The following ST3GAL6 variants were observed in gnomAD, a reference collection of about 807,000 sequenced individuals.
ST3GAL6 encodes type 2 lactosamine alpha-2,3-sialyltransferase.
In ST3GAL6, 31 loss-of-function variants were observed where a neutral mutation model predicts 40.5. That is an observed-to-expected ratio of 0.77 (90% CI 0.58 to 1.03). The LOEUF (loss-of-function observed/expected upper bound fraction) is 1.03. Among genes scored for constraint, ST3GAL6 ranks in the 50% least tolerant of loss-of-function variants. The pLI, the probability that ST3GAL6 is intolerant of heterozygous loss-of-function variation, is 0.00. For synonymous variants in ST3GAL6, 129 were observed against 136.9 expected, an observed-to-expected ratio of 0.94 and a Z score of 0.40; for missense variants, 357 against 393.2, an observed-to-expected ratio of 0.91 and a Z score of 0.78.
chr3:98,770,995 T>G (rs751324005), intron 3 of ST3GAL6, 39 bp downstream of exon 3: 1 of 1,599,310 alleles, frequency 6.3e-7, no homozygotes, highest in Non-Finnish European at 8.6e-7. Context: ...ATACAAAATA[T>G]TCTAAATGTG....
At chr3:98,771,293 A>G (rs1324543825) in intron 3 of ST3GAL6, 2 of 574,122 alleles carry the variant, frequency 3.5e-6, no homozygotes, top group Admixed American at 8.2e-5. Flanking sequence ...TTCCACCCTT[A>G]TTAATTTGTG....
At chr3:98,784,006 A>G (rs1423570506) in intron 5 of ST3GAL6, among the ~76,000 whole-genome samples, 1 of 152,154 alleles carries the variant, frequency 6.6e-6, no homozygotes, top group African/African-American at 2.4e-5. Flanking sequence ...TGGGTTCTAC[A>G]GTGTTTGTAC....
intron 5 of ST3GAL6, among the ~76,000 whole-genome samples, chr3:98,780,977 TCATTATACTATATAGA>T (rs1430877608): frequency 2.6e-5 from 4 of 152,198 alleles, no homozygotes; most frequent in Non-Finnish European, 4.4e-5. Flanking sequence ...AGATTATAAA[TCATTATACTATATAGA>T]CATTATACTA....
intron 1 of ST3GAL6, among the ~76,000 whole-genome samples, chr3:98,750,157 A>G (rs1167469696): frequency 1.3e-5 from 2 of 152,222 alleles, no homozygotes; most frequent in Non-Finnish European, 2.9e-5. Context: ...TACTGAAATC[A>G]CAAATTCATT....
chr3:98,793,854 A>C lies in ST3GAL6; in HGVS notation c.*93A>C. ...AATATGTTGGATGCACTCGTCAAAT[A>C]ATTATGTATACTGTCTGTTGCTGCC... On this transcript the variant is annotated 3_prime_UTR_variant, in exon 10 of 10. Coordinates refer to ENST00000483910, the MANE Select transcript of ST3GAL6 (RefSeq NM_001323368.2). 1 of 680,170 alleles carries C rather than the reference A, an allele frequency of 1.5e-6. No homozygotes were observed. The highest frequency in any genetic ancestry group is 3.0e-5 in the Admixed American group (1 of 33,294). The allele number at this position is 680,170 out of a possible 1,614,324, so 42.1% of individuals were successfully genotyped here.
In ST3GAL6 at chr3:98,733,381, G is replaced by A. The variant is rs901062830; in HGVS notation, c.-12+849G>A. 3.5e-5 allele frequency: 37 copies of A among 1,044,392 alleles called. No homozygotes were observed. In the African/African-American group the frequency reaches 6.2e-4, roughly 18 times the overall value. 64.7% of individuals were successfully genotyped at this position (1,044,392 alleles called of 1,614,324 possible). On this transcript the variant is annotated intron_variant, in intron 1 of 9. Coordinates refer to the ST3GAL6 transcript ENST00000265261. ...GACCCTCTTTTGTCGAATCGCCGGC[G>A]AGGTTGTGCAATTGGGAAGCCAAGA...
intron 1 of ST3GAL6, among the ~76,000 whole-genome samples, chr3:98,742,770 C>T (rs1358264841): frequency 6.7e-6 from 1 of 149,910 alleles, no homozygotes; most frequent in Non-Finnish European, 1.5e-5. Flanking sequence ...GCAATCTTGG[C>T]TTACAGCAAC....
upstream of ST3GAL6, chr3:98,762,810 C>T: frequency 1.0e-6 from 1 of 985,344 alleles, no homozygotes; most frequent in Non-Finnish European, 1.2e-6. Context: ...GGCCAGTGCT[C>T]TGGGTATTAA....
chr3:98,778,825 G>A (rs1235102560), intron 5 of ST3GAL6, among the ~76,000 whole-genome samples: 1 of 152,314 alleles, frequency 6.6e-6, no homozygotes, highest in South Asian at 2.1e-4. Flanking sequence ...CTGGCTGCAA[G>A]TAATAGTCTT....
rs925314800 is a variant in ST3GAL6, at chr3:98,771,032, A to T, written c.167+76A>T. On this transcript the variant is annotated intron_variant, in intron 3 of 9. Coordinates refer to ENST00000483910, the MANE Select transcript of ST3GAL6 (RefSeq NM_001323368.2). ...TTGTAATCATTTTCCACACTTGTTT[A>T]TTTTTTTAATGCAAATCTTAGCAGT... is the stretch of plus-strand genomic sequence containing the variant. 1.0e-5 allele frequency: 16 copies of T among 1,553,958 alleles called. No individual in the cohort carries two copies. The African/African-American group carries it at 1.9e-4, about 19-fold the overall frequency.
At position 98,776,559 on chromosome 3, in the gene ST3GAL6, C is replaced by T. The variant is rs569580796; in HGVS notation, c.335+2576C>T. ...TGTCCTTCATCATGGGTCTGTAGGTCAGAGAGGAGGAGCTGAGGTAGAAGG... is the reference window on the plus strand; with the variant it reads ...TGTCCTTCATCATGGGTCTGTAGGTTAGAGAGGAGGAGCTGAGGTAGAAGG... On this transcript the variant is annotated intron_variant, in intron 5 of 9. Coordinates refer to ENST00000483910, the MANE Select transcript of ST3GAL6 (RefSeq NM_001323368.2). 2.2e-4 allele frequency among the ~76,000 whole-genome samples: 34 copies of T among 152,290 alleles called. No individual in the cohort carries two copies. The South Asian group carries it at 6.9e-3, about 31-fold the overall frequency.
At chr3:98,747,241 T>C (rs1315285140) in intron 1 of ST3GAL6, among the ~76,000 whole-genome samples, 1 of 152,226 alleles carries the variant, frequency 6.6e-6, no homozygotes, top group Non-Finnish European at 1.5e-5. Context: ...ATAAGAAGAC[T>C]ATTTTCTGCA....
intron 5 of ST3GAL6, chr3:98,782,185 G>A (rs911842065): frequency 8.7e-6 from 6 of 688,980 alleles, no homozygotes; most frequent in African/African-American, 7.1e-5. Context: ...AGCATCTAGA[G>A]TTATGTTACT....
intron 9 of ST3GAL6, 74 bp from the exon 10 acceptor site, chr3:98,793,601 T>C (rs1037008503): frequency 4.2e-5 from 37 of 884,074 alleles, no homozygotes; most frequent in Non-Finnish European, 1.7e-6. Flanking sequence ...TTTTTAGATA[T>C]AAAGTACTCC....
At chr3:98,756,357 G>A in intron 1 of ST3GAL6, 1 of 1,289,606 alleles carries the variant, frequency 7.8e-7, no homozygotes, top group African/African-American at 1.5e-5. Context: ...CTATCTTTAT[G>A]TTTTATTTCA....
At chr3:98,758,443 G>GT (rs1331903333), upstream of ST3GAL6, among the ~76,000 whole-genome samples, 1 of 152,064 alleles carries the variant, frequency 6.6e-6, no homozygotes, top group East Asian at 1.9e-4. Flanking sequence ...ACAAATCTGA[G>GT]TTTTTTGTTT....
chr3:98,749,512 A>G (rs1936823175), intron 1 of ST3GAL6, among the ~76,000 whole-genome samples: 2 of 152,226 alleles, frequency 1.3e-5, no homozygotes, highest in Non-Finnish European at 2.9e-5. Context: ...AATAGCAGAA[A>G]AGGTAAGGGA....
At chr3:98,732,769 C>T (rs1412103852) in intron 1 of ST3GAL6, 3 of 1,284,694 alleles carry the variant, frequency 2.3e-6, no homozygotes, top group East Asian at 5.9e-5. Context: ...CCTCTGCTCC[C>T]CCGCCAGATC....
At chr3:98,744,267 G>A (rs1231304424) in intron 1 of ST3GAL6, among the ~76,000 whole-genome samples, 1 of 152,166 alleles carries the variant, frequency 6.6e-6, no homozygotes, top group Non-Finnish European at 1.5e-5. Flanking sequence ...GTAAATATCG[G>A]TTGTTCTAAG....
Sources: allele counts gnomAD v4.1 joint callset (sites outside exome capture counted in the v4.1 genomes callset), GRCh38; gene constraint gnomAD v4.1.1; transcripts MANE v1.5; gene names NCBI Gene and HGNC (gene_info 2026-07-23, HGNC 2026-07-21).